The following TMPRSS11A variants were observed in gnomAD, a reference collection of about 807,000 sequenced individuals.
TMPRSS11A encodes transmembrane protease serine 11A.
A neutral mutation model predicts 58.9 loss-of-function variants in TMPRSS11A; 53 were observed. The ratio of observed to expected loss-of-function variants is 0.90; its 90% CI spans 0.72 to 1.13. The LOEUF (loss-of-function observed/expected upper bound fraction) is 1.13, where lower values mean the gene tolerates loss of function less well. TMPRSS11A is among the 50% of genes most tolerant of loss of function. TMPRSS11A has a pLI of 0.00. For synonymous variants in TMPRSS11A, 167 were observed against 169.8 expected (o/e 0.98, Z 0.13); for missense variants, 493 against 499.3 (o/e 0.99, Z 0.12).
At chr4:67,920,112 A>C (rs181034426) in intron 7 of TMPRSS11A, among the ~76,000 whole-genome samples, 2 of 152,292 alleles carry the variant, frequency 1.3e-5, no homozygotes, top group African/African-American at 4.8e-5. Context: ...CAAATGTGGT[A>C]AATGCGGTTG....
intron 5 of TMPRSS11A, among the ~76,000 whole-genome samples, chr4:67,925,675 A>G (rs1479897391): frequency 6.6e-6 from 1 of 152,226 alleles, no homozygotes; most frequent in Non-Finnish European, 1.5e-5. Context: ...GTTTACCGTC[A>G]AATGTAGTTT....
chr4:67,930,522 A>G (rs777229138), intron 4 of TMPRSS11A, among the ~76,000 whole-genome samples: 2 of 152,058 alleles, frequency 1.3e-5, no homozygotes, highest in Non-Finnish European at 2.9e-5. Context: ...ATGTCTCCCT[A>G]TATCTCCCAT....
chr4:67,916,460 T>TTA (rs1254599671), intron 8 of TMPRSS11A, among the ~76,000 whole-genome samples: 3 of 104,632 alleles, frequency 2.9e-5, no homozygotes, highest in African/African-American at 7.7e-5. Context: ...TACAATTGGT[T>TTA]TATATATATT....
Position 67,946,619 on chromosome 4 carries a change from C to T in TMPRSS11A, c.12-48G>A, listed in dbSNP as rs760397669. ...GGTTACTCTCAGATAGCAATGCTTG[C>T]AGGTTTTCCAGCTCTCCTTAGACAA... On this transcript the variant is annotated intron_variant, in intron 1 of 9. Transcript: ENST00000508048. The T allele has an allele frequency of 2.6e-6, 4 of 1,568,218 alleles. No homozygotes were observed. The Admixed American group carries it at 5.8e-5, about 23-fold the overall frequency.
chr4:67,944,740 C>T, intron 2 of TMPRSS11A, 103 bp from the exon 3 acceptor site: 1 of 866,724 alleles, frequency 1.2e-6, no homozygotes, highest in Non-Finnish European at 1.8e-6. Context: ...CCCTGAGCCT[C>T]TTCATAATTG....
intron 1 of TMPRSS11A, among the ~76,000 whole-genome samples, chr4:67,951,101 T>C (rs922890458): frequency 1.3e-5 from 2 of 152,212 alleles, no homozygotes; most frequent in Non-Finnish European, 2.9e-5. Flanking sequence ...TAACACATTA[T>C]CCTTACTCAG....
At chr4:67,950,719 T>C (rs1007837711) in intron 1 of TMPRSS11A, among the ~76,000 whole-genome samples, 3 of 152,254 alleles carry the variant, frequency 2.0e-5, no homozygotes, top group African/African-American at 7.2e-5. Flanking sequence ...GATTTAAATA[T>C]TCTTTTATTT....
intron 1 of TMPRSS11A, among the ~76,000 whole-genome samples, chr4:67,947,362 A>G (rs1721044956): frequency 6.6e-6 from 1 of 152,148 alleles, no homozygotes; most frequent in African/African-American, 2.4e-5. Flanking sequence ...ATGCCTTTTT[A>G]ATCTCTTTTA....
At chr4:67,923,009 T>G in intron 6 of TMPRSS11A, 83 bp from the exon 7 acceptor site, 1 of 1,353,466 alleles carries the variant, frequency 7.4e-7, no homozygotes, top group Non-Finnish European at 1.0e-6. Context: ...CCTGAAGACA[T>G]TTTCGTATAC....
At chr4:67,937,117 A>G (rs1174808762) in intron 3 of TMPRSS11A, among the ~76,000 whole-genome samples, 2 of 152,214 alleles carry the variant, frequency 1.3e-5, no homozygotes, top group Non-Finnish European at 2.9e-5. Context: ...GATAAACTAA[A>G]TAGATTCTCC....
chr4:67,952,990 A>AG lies in TMPRSS11A; in HGVS notation c.12-6420dup, dbSNP rs1213776066. On this transcript the variant is annotated intron_variant, in intron 1 of 9. Coordinates refer to ENST00000508048, the MANE Select transcript of TMPRSS11A (RefSeq NM_001114387.2). ...AGACAAGTTTTCCATGGACAGGGGT[A>AG]GGGGGGGTGGTTTGGTAATGAAATT... Among the ~76,000 whole-genome samples, 14 of 151,998 alleles carry AG rather than the reference A, an allele frequency of 9.2e-5. No homozygotes were observed. In the East Asian group the frequency reaches 9.8e-4, roughly 11 times the overall value.
chr4:67,945,659 T>C (rs1251954542), intron 2 of TMPRSS11A, among the ~76,000 whole-genome samples: 1 of 152,184 alleles, frequency 6.6e-6, no homozygotes, highest in Non-Finnish European at 1.5e-5. Context: ...AGTAGAGTCT[T>C]TGCTCCCCCA....
chr4:67,961,483 C>CTTTTT lies in TMPRSS11A; in HGVS notation c.11+1895_11+1899dup, dbSNP rs1553924063. ...TTTTCTTTCCTTTCCTTTTCTTTTC[C>CTTTTT]TTTTTTTTTTTTTTTTTTTTTTTTT... On this transcript the variant is annotated intron_variant, in intron 1 of 9. Transcript: ENST00000508048. Among the ~76,000 whole-genome samples, 4 of 7,162 alleles carry CTTTTT rather than the reference C, an allele frequency of 5.6e-4. 2 individuals are homozygous for CTTTTT. The allele number at this position is 7,162 out of a possible 152,430, so 4.7% of individuals were successfully genotyped here. A position where few individuals can be genotyped will look rare whatever the true frequency, so the allele number is the denominator to read the frequency against.
intron 5 of TMPRSS11A, among the ~76,000 whole-genome samples, chr4:67,926,833 C>A (rs545824313): frequency 6.6e-6 from 1 of 152,126 alleles, no homozygotes; most frequent in African/African-American, 2.4e-5. Flanking sequence ...CAGCATTGGA[C>A]CCTTGCAGAT....
Position 67,932,034 on chromosome 4 carries a change from G to A in TMPRSS11A, c.279C>T (p.Ala93=), listed in dbSNP as rs774646570. The change falls in exon 4 of 10, where the codon GCC becomes GCT. Residue 93 remains alanine (A), a synonymous_variant. Coordinates refer to ENST00000508048, the MANE Select transcript of TMPRSS11A (RefSeq NM_001114387.2). ...GGTTCTTGATATAATTTTTCTTCCA[G>A]GCTGAATCTATAAATATCTCATCCA... ...NLVDEIFIDS[A]WKKNYIKNQV... 6.3e-7 allele frequency: 1 copy of A among 1,599,538 alleles called. No individual in the cohort carries two copies. Among genetic ancestry groups the A allele is most frequent in the African/African-American group, 1.3e-5 (1 of 74,562 alleles).
chr4:67,940,715 C>T (rs1348856491), intron 3 of TMPRSS11A, among the ~76,000 whole-genome samples: 1 of 152,176 alleles, frequency 6.6e-6, no homozygotes, highest in African/African-American at 2.4e-5. Flanking sequence ...TTTGTGTCCT[C>T]TGCTTCACCT....
chr4:67,942,602 G>A (rs955331495), intron 3 of TMPRSS11A, among the ~76,000 whole-genome samples: 2 of 152,170 alleles, frequency 1.3e-5, no homozygotes, highest in African/African-American at 4.8e-5. Context: ...GGTTAGATGT[G>A]GGGACATAGA....
intron 7 of TMPRSS11A, among the ~76,000 whole-genome samples, chr4:67,920,545 ATATAT>A (rs138516839): frequency 0.042 from 3,714 of 88,616 alleles, 151 homozygotes; most frequent in African/African-American, 0.14. Context: ...ATATATATAT[ATATAT>A]TTTTTTTTAT....
At chr4:67,921,630 C>T (rs749782202) in intron 7 of TMPRSS11A, among the ~76,000 whole-genome samples, 58 of 152,264 alleles carry the variant, frequency 3.8e-4, no homozygotes, top group Admixed American at 5.2e-4. Context: ...TATGTATATT[C>T]TTTGGAATAT....
Sources: allele counts gnomAD v4.1 joint callset (sites outside exome capture counted in the v4.1 genomes callset), GRCh38; gene constraint gnomAD v4.1.1; transcripts MANE v1.5; gene names NCBI Gene and HGNC (gene_info 2026-07-23, HGNC 2026-07-21).